TUBGCP6: variants seen among roughly 807,000 people sequenced by gnomAD.
TUBGCP6 encodes gamma-tubulin complex component 6.
TUBGCP6 carries 161 observed loss-of-function variants against 175.8 expected under a neutral mutation model. The ratio of observed to expected loss-of-function variants is 0.92; its 90% confidence interval spans 0.81 to 1.04. The LOEUF is 1.04. TUBGCP6 is among the 50% of genes least tolerant of loss of function. TUBGCP6 has a pLI of 0.00. For missense variants in TUBGCP6, 2,572 were observed against 2,433.0 expected (o/e 1.06, Z -1.20); for synonymous variants, 1,173 against 1,030.5 (o/e 1.14, Z -2.65).
intron 2 of TUBGCP6, among the ~76,000 whole-genome samples, chr22:50,239,793 T>C (rs1456015889): frequency 6.6e-6 from 1 of 152,224 alleles, no homozygotes; most frequent in Non-Finnish European, 1.5e-5. Context: ...TGAGCATTTC[T>C]TCCTGGCACT....
chr22:50,218,324 T>C lies in TUBGCP6; in HGVS notation c.5033A>G (p.Lys1678Arg), dbSNP rs1469329132. 6.2e-7 allele frequency: 1 copy of C among 1,613,080 alleles called. No individual in the cohort carries two copies. Among genetic ancestry groups the C allele is most frequent in the South Asian group, 1.1e-5 (1 of 91,090 alleles). The stretch of plus-strand genomic sequence containing the variant: ...GTTGGCGATGTAGCCCTGGATGACC[T>C]TCACGAAATGCTGCATCTCGTGCTT... ...LFKHEMQHFV[K>R]VIQGYIANQI... Residue 1678 changes from lysine (K) to arginine (R), a missense_variant, in exon 23 of 25, where the codon AAG becomes AGG. Physicochemically the swap from Lys to Arg is conservative, Grantham distance 26 (BLOSUM62 2). Transcript: ENST00000248846.
chr22:50,241,627 G>C (rs2064839647), intron 1 of TUBGCP6, among the ~76,000 whole-genome samples: 1 of 152,170 alleles, frequency 6.6e-6, no homozygotes, highest in Admixed American at 6.5e-5. Flanking sequence ...AGTACTAAAA[G>C]TCTCTGAAAT....
intron 17 of TUBGCP6, 21 bp downstream of exon 17, chr22:50,219,936 C>T: frequency 6.2e-7 from 1 of 1,613,848 alleles, no homozygotes; most frequent in East Asian, 2.2e-5. Flanking sequence ...CTGTGGGACC[C>T]CCAGGCTGCA....
Position 50,243,722 on chromosome 22 carries a change from A to T in TUBGCP6, c.738T>A (p.Ile246=). The stretch of plus-strand genomic sequence containing the variant: ...GAGGAAAAACTAAACATTCTACCTT[A>T]ATAGCCAGCCCAGAGAGGTCCGCAT... ...PDNADLSGLA[I]KVPPSVDQWE... is the part of the protein sequence containing the mutation. The change falls in exon 1 of 25, where the codon ATT becomes ATA. Residue 246 remains isoleucine (I), a synonymous_variant. Transcript: ENST00000248846. 6.2e-7 allele frequency: 1 copy of T among 1,607,832 alleles called. No individual in the cohort carries two copies.
intron 1 of TUBGCP6, among the ~76,000 whole-genome samples, chr22:50,241,337 G>T (rs2064836648): frequency 6.6e-6 from 1 of 152,104 alleles, no homozygotes; most frequent in Non-Finnish European, 1.5e-5. Context: ...CCATTACCTA[G>T]CGGACCTTGG....
chr22:50,244,699 G>A lies in TUBGCP6; in HGVS notation c.-240C>T, dbSNP rs1285508283. On this transcript the variant is annotated 5_prime_UTR_variant, in exon 1 of 25. Transcript: ENST00000248846. ...CTGCCCGGCGCCCGGCAGCCCACCA[G>A]AAGCCAGCTCGGCGTTTCTTCTAAT... 1.1e-5 allele frequency: 6 copies of A among 566,958 alleles called. No homozygotes were observed. The highest frequency in any genetic ancestry group is 3.6e-5 in the Admixed American group (1 of 28,090). 35.1% of individuals were successfully genotyped at this position (566,958 alleles called of 1,614,324 possible).
At position 50,226,983 on chromosome 22, in the gene TUBGCP6, G is replaced by A. The variant is rs773497845; in HGVS notation, c.1491+16C>T. On this transcript the variant is annotated intron_variant, in intron 6 of 24. Coordinates refer to ENST00000248846, the MANE Select transcript of TUBGCP6 (RefSeq NM_020461.4). ...GCCCACCAGGCTGACACACTCGGCA[G>A]GGACGCACAACTCACGGTGGGAAAC... The A allele has an allele frequency of 2.5e-4, 399 of 1,609,864 alleles. No homozygotes were observed. Among genetic ancestry groups the A allele is most frequent in the Non-Finnish European group, 3.2e-4 (382 of 1,178,608 alleles).
At position 50,235,742 on chromosome 22, in the gene TUBGCP6, C is replaced by T. The variant is rs371126521; in HGVS notation, c.906-2216G>A. 2.4e-4 allele frequency among the ~76,000 whole-genome samples: 36 copies of T among 152,236 alleles called. No individual in the cohort carries two copies. In the East Asian group the frequency reaches 4.4e-3, roughly 19 times the overall value. ...AGATCACGAGGTCAGGAGTTCAAGA[C>T]CAGCCTGGCCAACATGGTGAAACCC... On this transcript the variant is annotated intron_variant, in intron 2 of 24. Transcript: ENST00000248846.
At chr22:50,240,180 G>A (rs1469624127) in intron 2 of TUBGCP6, 24 bp downstream of exon 2, 2 of 1,612,672 alleles carry the variant, frequency 1.2e-6, no homozygotes, top group Non-Finnish European at 1.7e-6. Context: ...GGCACTGCAT[G>A]CCAAGGCAAA....
Position 50,222,065 on chromosome 22 carries a change from TG to T in TUBGCP6, c.2446del (p.Gln816ArgfsTer8), listed in dbSNP as rs1569113086. 6.2e-7 allele frequency: 1 copy of T among 1,613,814 alleles called. No individual in the cohort carries two copies. Among genetic ancestry groups the T allele is most frequent in the African/African-American group, 1.3e-5 (1 of 75,038 alleles). On this transcript the variant is annotated frameshift_variant, in exon 15 of 25. Transcript: ENST00000248846. LOFTEE classifies it high-confidence loss of function. ...GCTCAAGAGGACGTCTGGCGGCTCC[TG>T]GGGCTGGTGAGCCTCAGACACTGCT... ...LKAVSEAHQP[Q>X]EPPDVLLSVH...
At chr22:50,240,650 G>A (rs1050528062) in intron 1 of TUBGCP6, among the ~76,000 whole-genome samples, 3 of 152,170 alleles carry the variant, frequency 2.0e-5, no homozygotes, top group African/African-American at 7.2e-5. Context: ...AAATTCCAAT[G>A]TGGGGAACCC....
chr22:50,226,948 G>A (rs368535568), intron 6 of TUBGCP6, 51 bp downstream of exon 6: 205 of 1,587,896 alleles, frequency 1.3e-4, no homozygotes, highest in South Asian at 1.2e-3. Context: ...AGCCACCCCC[G>A]TTTCCTGGAG....
chr22:50,230,718 G>A (rs2064676567), intron 3 of TUBGCP6, among the ~76,000 whole-genome samples: 1 of 150,416 alleles, frequency 6.6e-6, no homozygotes, highest in South Asian at 2.1e-4. Context: ...AGTTGAGGCT[G>A]CAGTGAGTCA....
chr22:50,233,474 A>G lies in TUBGCP6; in HGVS notation c.958T>C (p.Phe320Leu). The change falls in exon 3 of 25, where the codon TTC becomes CTC. Residue 320 changes from phenylalanine to leucine, a missense_variant. Physicochemically the swap from Phe to Leu is conservative, Grantham distance 22. Coordinates refer to ENST00000248846, the MANE Select transcript of TUBGCP6 (RefSeq NM_020461.4). ...TGGTGGAGCCTGCAGAACTTGTCGA[A>G]AGCGTCCCTTCCCGCCTCCGTCAGG... ...PYLTEAGRDA[F>L]DKFCRLHQGE... 1 of 1,612,480 alleles carries G rather than the reference A, an allele frequency of 6.2e-7. No homozygotes were observed. Among genetic ancestry groups the G allele is most frequent in the South Asian group, 1.1e-5 (1 of 90,814 alleles).
chr22:50,219,265 G>A (rs1377807391), intron 19 of TUBGCP6, 23 bp downstream of exon 19: 2 of 1,609,896 alleles, frequency 1.2e-6, no homozygotes, highest in Admixed American at 3.3e-5. Context: ...TGGGCAGACT[G>A]GCGCAGGGGC....
At chr22:50,219,856 C>CA (rs889170653) in intron 17 of TUBGCP6, 65 bp from the exon 18 acceptor site, 292 of 1,602,354 alleles carry the variant, frequency 1.8e-4, no homozygotes, top group Admixed American at 5.4e-4. Context: ...CAGCTTGTGC[C>CA]AAAAAAAGGA....
rs532146816 is a variant in TUBGCP6 at position 50,243,309 on chromosome 22, G to A, written c.741+410C>T. Among the ~76,000 whole-genome samples, 183 of 152,218 alleles carry A rather than the reference G, an allele frequency of 1.2e-3. 2 individuals are homozygous for A. Among genetic ancestry groups the A allele is most frequent in the African/African-American group, 3.4e-3 (140 of 41,536 alleles). ...CTAAAAATACAAAACTTAGCTGGGC[G>A]TGGTGGCATGCACCTAAATCCCAGC... is the stretch of plus-strand genomic sequence containing the variant. On this transcript the variant is annotated intron_variant, in intron 1 of 24. Coordinates refer to ENST00000248846, the MANE Select transcript of TUBGCP6 (RefSeq NM_020461.4).
intron 14 of TUBGCP6, 133 bp from the exon 15 acceptor site, chr22:50,222,235 T>A (rs1254697224): frequency 7.7e-6 from 9 of 1,166,532 alleles, no homozygotes; most frequent in African/African-American, 1.5e-5. Context: ...TGGGCTCCAG[T>A]GGGACGCTGG....
At position 50,221,636 on chromosome 22, in the gene TUBGCP6, G is replaced by A. The variant is rs369631696; in HGVS notation, c.2723C>T (p.Pro908Leu). Residue 908 changes from proline (P) to leucine (L), a missense_variant, in exon 16 of 25, where the codon CCG becomes CTG. Pro to Leu is a moderately conservative substitution (Grantham distance 98, BLOSUM62 -3). Coordinates refer to ENST00000248846, the MANE Select transcript of TUBGCP6 (RefSeq NM_020461.4). ...DFLPVGPGAE[P>L]SVQTGMVPLL... Reference sequence around the variant, plus strand: ...AGGGACCATGCCAGTCTGCACGGACGGCTCAGCCCCTGGGCCCACAGGTAG... The same window carrying A: ...AGGGACCATGCCAGTCTGCACGGACAGCTCAGCCCCTGGGCCCACAGGTAG... 51 of 1,530,004 alleles carry A rather than the reference G, an allele frequency of 3.3e-5. No homozygotes were observed. Among genetic ancestry groups the A allele is most frequent in the Non-Finnish European group, 4.4e-5 (50 of 1,138,638 alleles). The allele number at this position is 1,530,004 out of a possible 1,614,324, so 94.8% of individuals were successfully genotyped here.
Sources: allele counts gnomAD v4.1 joint callset (sites outside exome capture counted in the v4.1 genomes callset), GRCh38; gene constraint gnomAD v4.1.1; transcripts MANE v1.5; gene names NCBI Gene and HGNC (gene_info 2026-07-23, HGNC 2026-07-21).